The following FEV variants were observed in gnomAD, a reference collection of about 807,000 sequenced individuals.
FEV encodes FEV transcription factor, ETS family member.
A neutral mutation model predicts 20.5 loss-of-function variants in FEV; 14 were observed. The ratio of observed to expected loss-of-function variants is 0.68; its 90% CI spans 0.45 to 1.07. The LOEUF (loss-of-function observed/expected upper bound fraction) is 1.07. FEV is among the 50% of genes least tolerant of loss of function. The pLI, the probability that FEV is intolerant of heterozygous loss-of-function variation, is 0.00. For missense variants in FEV, 301 were observed against 345.3 expected (o/e 0.87, Z 1.02); for synonymous variants, 188 against 163.7 (o/e 1.15, Z -1.13).
rs1945417169 is a variant in FEV at position 218,984,209 on chromosome 2, C to T, written c.127+22G>A. Reference sequence around the variant, plus strand: ...ACCCCAACCAACCTCGCCTCCGCCGCCCAGCGCGCCGGCCATCTCACCTTT... The same window carrying T: ...ACCCCAACCAACCTCGCCTCCGCCGTCCAGCGCGCCGGCCATCTCACCTTT... On this transcript the variant is annotated intron_variant, in intron 2 of 2. Transcript: ENST00000295727. The surrounding 1 kb of genome is among the most constrained non-coding windows in gnomAD (Gnocchi z 5.0). 2 of 1,573,158 alleles carry T rather than the reference C, an allele frequency of 1.3e-6. No homozygotes were observed. The highest frequency in any genetic ancestry group is 1.2e-5 in the South Asian group (1 of 85,678).
At chr2:218,982,396 G>T in intron 2 of FEV, 140 bp from the exon 3 acceptor site, 1 of 774,512 alleles carries the variant, frequency 1.3e-6, no homozygotes, top group Non-Finnish European at 2.0e-6. Flanking sequence ...AGCTGCGTTC[G>T]GCGGGAGAGG....
Position 218,985,023 on chromosome 2 carries a change from C to T in FEV, c.52+1G>A. 1.3e-6 allele frequency: 2 copies of T among 1,555,614 alleles called. No individual in the cohort carries two copies. Among genetic ancestry groups the T allele is most frequent in the Non-Finnish European group, 1.7e-6 (2 of 1,149,632 alleles). Reference sequence around the variant, plus strand: ...ACCAGCCTCCGGCTGGTCCCTGGTACCTGGCAGGTACATGTTGATCAGCAG... The same window carrying T: ...ACCAGCCTCCGGCTGGTCCCTGGTATCTGGCAGGTACATGTTGATCAGCAG... On this transcript the variant is annotated splice_donor_variant, in intron 1 of 2. Transcript: ENST00000295727. LOFTEE classifies it high-confidence loss of function.
At position 218,982,255 on chromosome 2, in the gene FEV, G is replaced by C. The variant is rs1435715426; in HGVS notation, c.129C>G (p.Gly43=). The part of the protein sequence containing the change: ...WGPLSPAVQK[G]SGQIQLWQFL... ...ACTGCCACAGCTGGATCTGTCCGCTGCCTGTGGGGAGGGGGGCGGTCAGCC... is the reference window on the plus strand; with the variant it reads ...ACTGCCACAGCTGGATCTGTCCGCTCCCTGTGGGGAGGGGGGCGGTCAGCC... The change falls in exon 3 of 3, where the codon GGC becomes GGG. Residue 43 remains glycine (G), a splice_region_variant and synonymous_variant. Transcript: ENST00000295727. The C allele has an allele frequency of 6.3e-7, 1 of 1,577,050 alleles. No homozygotes were observed. The highest frequency in any genetic ancestry group is 1.8e-5 in the Admixed American group (1 of 56,126).
At position 218,984,921 on chromosome 2, in the gene FEV, A is replaced by G; in HGVS notation, c.52+103T>C. ...CCCTCCATGCAACCCGAATCTCCGG[A>G]CACTTCTCCTTCCCCTGGACCCCAG... On this transcript the variant is annotated intron_variant, in intron 1 of 2. Transcript: ENST00000295727. This position sits in a 1 kb window ranked among gnomAD's most constrained non-coding sequence, Gnocchi z 5.0. The G allele has an allele frequency of 1.9e-6, 2 of 1,077,776 alleles. No individual in the cohort carries two copies. The highest frequency in any genetic ancestry group is 2.7e-5 in the South Asian group (2 of 73,894). 66.8% of individuals were successfully genotyped at this position (1,077,776 alleles called of 1,614,324 possible). A position where few individuals can be genotyped will look rare whatever the true frequency, so the allele number is the denominator to read the frequency against.
rs1433382169 is a variant in FEV, at chr2:218,981,684, C to T, written c.700G>A (p.Gly234Arg). The change falls in exon 3 of 3, where the codon GGG becomes AGG. Residue 234 changes from glycine (G) to arginine (R), a missense_variant. Transcript: ENST00000295727. The surrounding 1 kb of genome is among the most constrained non-coding windows in gnomAD (Gnocchi z 4.5). The part of the protein sequence containing the change: ...FGAVAAASHL[G>R]GHYH ...CGCCCCGTCTAGTGGTAATGGCCCC[C>T]CAAGTGCGAGGCTGCGGCCACGGCC... 3.0e-6 allele frequency: 4 copies of T among 1,341,326 alleles called. No individual in the cohort carries two copies. The highest frequency in any genetic ancestry group is 2.1e-5 in the South Asian group (1 of 48,470). The allele number at this position is 1,341,326 out of a possible 1,614,324, so 83.1% of individuals were successfully genotyped here.
In FEV at chr2:218,984,402, G is replaced by A; in HGVS notation, c.53-97C>T. ...GCCAAGGCTTAAGGGGGGTGCTGTG[G>A]TCCCCAGGCGCGAGGCTGGGGGCCC... On this transcript the variant is annotated intron_variant, in intron 1 of 2. Transcript: ENST00000295727. This position sits in a 1 kb window ranked among gnomAD's most constrained non-coding sequence, Gnocchi z 5.0. The A allele has an allele frequency of 8.3e-7, 1 of 1,206,612 alleles. No homozygotes were observed. Among genetic ancestry groups the A allele is most frequent in the East Asian group, 2.7e-5 (1 of 36,520 alleles). The allele number at this position is 1,206,612 out of a possible 1,614,324, so 74.7% of individuals were successfully genotyped here.
At position 218,984,918 on chromosome 2, in the gene FEV, C is replaced by T; in HGVS notation, c.52+106G>A. 2.8e-6 allele frequency: 3 copies of T among 1,066,734 alleles called. No individual in the cohort carries two copies. Among genetic ancestry groups the T allele is most frequent in the Non-Finnish European group, 4.2e-6 (3 of 708,558 alleles). 66.1% of individuals were successfully genotyped at this position (1,066,734 alleles called of 1,614,324 possible). A position where few individuals can be genotyped will look rare whatever the true frequency, so the allele number is the denominator to read the frequency against. On this transcript the variant is annotated intron_variant, in intron 1 of 2. Transcript: ENST00000295727. The surrounding 1 kb of genome is among the most constrained non-coding windows in gnomAD (Gnocchi z 5.0). ...CGGCCCTCCATGCAACCCGAATCTC[C>T]GGACACTTCTCCTTCCCCTGGACCC...
chr2:218,982,126 C>T lies in FEV; in HGVS notation c.258G>A (p.Arg86=), dbSNP rs1350348514. ...KLTDPDEVAR[R]WGERKSKPNM... ...TGGGCTTGCTCTTGCGCTCGCCCCA[C>T]CGCCGCGCCACCTCGTCCGGGTCCG... The change falls in exon 3 of 3, where the codon CGG becomes CGA. Residue 86 remains arginine (R), a synonymous_variant. Coordinates refer to ENST00000295727, the MANE Select transcript of FEV (RefSeq NM_017521.3). The T allele has an allele frequency of 3.7e-6, 6 of 1,613,678 alleles. No homozygotes were observed. The highest frequency in any genetic ancestry group is 5.1e-6 in the Non-Finnish European group (6 of 1,179,868).
In FEV at chr2:218,981,578, G is replaced by C; in HGVS notation, c.*89C>G. Reference sequence around the variant, plus strand: ...AACTCTGGATTAGAGGACGGTTGACGGAGGCTCCCGGGCCCTCCCCGGGAT... The same window carrying C: ...AACTCTGGATTAGAGGACGGTTGACCGAGGCTCCCGGGCCCTCCCCGGGAT... On this transcript the variant is annotated 3_prime_UTR_variant, in exon 3 of 3. Transcript: ENST00000295727. The surrounding 1 kb of genome is among the most constrained non-coding windows in gnomAD (Gnocchi z 4.5). 1.9e-6 allele frequency: 2 copies of C among 1,068,726 alleles called. No individual in the cohort carries two copies. The highest frequency in any genetic ancestry group is 1.6e-5 in the African/African-American group (1 of 61,222). The allele number at this position is 1,068,726 out of a possible 1,614,324, so 66.2% of individuals were successfully genotyped here. A position where few individuals can be genotyped will look rare whatever the true frequency, so the allele number is the denominator to read the frequency against.
In FEV at chr2:218,981,743, CTG is replaced by C; in HGVS notation, c.639_640del (p.Pro215GlnfsTer38). The C allele has an allele frequency of 7.6e-7, 1 of 1,315,442 alleles. No individual in the cohort carries two copies. The highest frequency in any genetic ancestry group is 9.6e-7 in the Non-Finnish European group (1 of 1,040,582). The allele number at this position is 1,315,442 out of a possible 1,614,324, so 81.5% of individuals were successfully genotyped here. A position where few individuals can be genotyped will look rare whatever the true frequency, so the allele number is the denominator to read the frequency against. Reference sequence around the variant, plus strand: ...CCCGGGCGGGGGCTGCAAGCTGGGACTGGGGTAGAGCGCGGCGGTGGCGGCGG... The same window carrying C: ...CCCGGGCGGGGGCTGCAAGCTGGGACGGGTAGAGCGCGGCGGTGGCGGCGG... On this transcript the variant is annotated frameshift_variant, in exon 3 of 3. Coordinates refer to ENST00000295727, the MANE Select transcript of FEV (RefSeq NM_017521.3). LOFTEE classifies it high-confidence loss of function. The surrounding 1 kb of genome is among the most constrained non-coding windows in gnomAD (Gnocchi z 4.5).
chr2:218,984,544 C>T lies in FEV; in HGVS notation c.53-239G>A, dbSNP rs1420916552. The T allele has an allele frequency of 2.2e-6, 1 of 462,024 alleles. No individual in the cohort carries two copies. 28.6% of individuals were successfully genotyped at this position (462,024 alleles called of 1,614,324 possible). The stretch of plus-strand genomic sequence containing the variant: ...AAGGAAATCCGCTTTCCGAAGGGGC[C>T]GGCTGGAGCCTTATAAAGCCGAGCG... On this transcript the variant is annotated intron_variant, in intron 1 of 2. Coordinates refer to ENST00000295727, the MANE Select transcript of FEV (RefSeq NM_017521.3). The surrounding 1 kb of genome is among the most constrained non-coding windows in gnomAD (Gnocchi z 5.0).
Position 218,981,627 on chromosome 2 carries a change from T to C in FEV, c.*40A>G. On this transcript the variant is annotated 3_prime_UTR_variant, in exon 3 of 3. Coordinates refer to ENST00000295727, the MANE Select transcript of FEV (RefSeq NM_017521.3). This position sits in a 1 kb window ranked among gnomAD's most constrained non-coding sequence, Gnocchi z 4.5. ...ATGCCGATGGGATCGGGCGAGACTC[T>C]AGGCGTGCGGGCGAGGCCGCAGGCA... 1 of 1,269,432 alleles carries C rather than the reference T, an allele frequency of 7.9e-7. No homozygotes were observed. 78.6% of individuals were successfully genotyped at this position (1,269,432 alleles called of 1,614,324 possible). A position where few individuals can be genotyped will look rare whatever the true frequency, so the allele number is the denominator to read the frequency against.
At position 218,982,252 on chromosome 2, in the gene FEV, G is replaced by A; in HGVS notation, c.132C>T (p.Ser44=). ...GPLSPAVQKG[S]GQIQLWQFLL... is the part of the protein sequence containing the mutation. ...GAAACTGCCACAGCTGGATCTGTCC[G>A]CTGCCTGTGGGGAGGGGGGCGGTCA... Residue 44 remains serine, a synonymous_variant, in exon 3 of 3, where the codon AGC becomes AGT. Coordinates refer to ENST00000295727, the MANE Select transcript of FEV (RefSeq NM_017521.3). 6.3e-7 allele frequency: 1 copy of A among 1,578,584 alleles called. No homozygotes were observed.
At position 218,985,151 on chromosome 2, in the gene FEV, C is replaced by T. The variant is rs1945428874; in HGVS notation, c.-76G>A. The T allele has an allele frequency of 2.6e-6, 3 of 1,158,284 alleles. No homozygotes were observed. The highest frequency in any genetic ancestry group is 3.6e-6 in the Non-Finnish European group (3 of 842,252). The allele number at this position is 1,158,284 out of a possible 1,614,324, so 71.8% of individuals were successfully genotyped here. On this transcript the variant is annotated 5_prime_UTR_variant, in exon 1 of 3. It adds an upstream start codon to the 5' untranslated region. Coordinates refer to ENST00000295727, the MANE Select transcript of FEV (RefSeq NM_017521.3). ...GAGGCAGGCTTTGCGCTCGGTGGCA[C>T]CGATCCCCGCCCGAAGCGACCGCGG...
At chr2:218,982,386 AGCT>A in intron 2 of FEV, 130 bp from the exon 3 acceptor site, 1 of 834,322 alleles carries the variant, frequency 1.2e-6, no homozygotes, top group Non-Finnish European at 1.8e-6. Context: ...GTCAAACTGC[AGCT>A]GCGTTCGGCG....
chr2:218,982,838 C>A (rs868846458), intron 2 of FEV, among the ~76,000 whole-genome samples: 18 of 152,212 alleles, frequency 1.2e-4, no homozygotes, highest in Non-Finnish European at 1.5e-5. Flanking sequence ...ACAGGCTACT[C>A]CTGAGGTGGA....
At chr2:218,982,461 C>A (rs970270547) in intron 2 of FEV, among the ~76,000 whole-genome samples, 2 of 152,198 alleles carry the variant, frequency 1.3e-5, no homozygotes, top group Non-Finnish European at 2.9e-5. Context: ...CGCGCTTTTG[C>A]ACAATGGAAA....
chr2:218,984,289 A>G lies in FEV; in HGVS notation c.69T>C (p.Gly23=). ...NMYLPDPVGD[G]LFKDGKNPSW... ...TCGGGTTCTTCCCGTCCTTGAAGAG[A>G]CCGTCTCCGACGGGATCTGCAAGCA... The change falls in exon 2 of 3, where the codon GGT becomes GGC. Residue 23 remains glycine (G), a synonymous_variant. Coordinates refer to ENST00000295727, the MANE Select transcript of FEV (RefSeq NM_017521.3). The surrounding 1 kb of genome is among the most constrained non-coding windows in gnomAD (Gnocchi z 5.0). The G allele has an allele frequency of 6.3e-7, 1 of 1,597,628 alleles. No individual in the cohort carries two copies. Among genetic ancestry groups the G allele is most frequent in the East Asian group, 2.3e-5 (1 of 44,222 alleles).
chr2:218,982,352 G>C (rs891762005), intron 2 of FEV, 96 bp from the exon 3 acceptor site: 51 of 1,120,610 alleles, frequency 4.6e-5, no homozygotes, highest in South Asian at 3.1e-4. Flanking sequence ...GGCAGGAACC[G>C]GCACTGGGGG....
Sources: allele counts gnomAD v4.1 joint callset (sites outside exome capture counted in the v4.1 genomes callset), GRCh38; gene constraint gnomAD v4.1.1; non-coding constraint Gnocchi (gnomAD v3.1); transcripts MANE v1.5; gene names NCBI Gene and HGNC (gene_info 2026-07-23, HGNC 2026-07-21).